Variants in PPP2R5D observed in about 807,000 individuals in gnomAD.
PPP2R5D encodes serine/threonine-protein phosphatase 2A 56 kDa regulatory subunit delta isoform.
Under a neutral mutation model 79.1 loss-of-function variants are expected in PPP2R5D, and 12 were observed. The observed-to-expected ratio is 0.15, with a 90% CI of 0.10 to 0.25. The LOEUF is 0.25. Among genes scored for constraint, PPP2R5D ranks in the 10% least tolerant of loss-of-function variants. The pLI is 1.00. For missense variants in PPP2R5D, 419 were observed against 760.2 expected (o/e 0.55, Z 5.28); for synonymous variants, 277 against 286.6 (o/e 0.97, Z 0.34).
At chr6:43,005,705 T>C in intron 2 of PPP2R5D, among the ~76,000 whole-genome samples, 1 of 151,684 alleles carries the variant, frequency 6.6e-6, no homozygotes, top group East Asian at 1.9e-4. Flanking sequence ...CACTGCAACC[T>C]CCGCCTCCTG....
In PPP2R5D at chr6:42,989,791, G is replaced by A; in HGVS notation, c.105+103G>A. The A allele has an allele frequency of 3.4e-6, 4 of 1,163,010 alleles. No individual in the cohort carries two copies. In the South Asian group the frequency reaches 5.6e-5, roughly 16 times the overall value. The allele number at this position is 1,163,010 out of a possible 1,614,324, so 72.0% of individuals were successfully genotyped here. On this transcript the variant is annotated intron_variant, in intron 2 of 15. Transcript: ENST00000485511. ...CCCAGGGGGTGAGGCAGAAGGGAAG[G>A]CTTCCATATCCTGGGAGGGACCTGG...
intron 1 of PPP2R5D, among the ~76,000 whole-genome samples, chr6:42,985,931 C>A (rs1334751380): frequency 6.6e-6 from 1 of 152,160 alleles, no homozygotes; most frequent in Non-Finnish European, 1.5e-5. Context: ...GCATGCGCCA[C>A]CACATCCGGC....
At chr6:42,984,953 C>T (rs1770721131) in intron 1 of PPP2R5D, among the ~76,000 whole-genome samples, 2 of 150,628 alleles carry the variant, frequency 1.3e-5, no homozygotes, top group South Asian at 2.1e-4. Context: ...CCTTCTCTTA[C>T]CCCCGGCCCA....
At chr6:42,986,900 A>G (rs1417040516) in intron 1 of PPP2R5D, among the ~76,000 whole-genome samples, 1 of 151,904 alleles carries the variant, frequency 6.6e-6, no homozygotes, top group African/African-American at 2.4e-5. Context: ...TCACCTCCCT[A>G]TAAGGTTTTT....
rs1477845101 is a variant in PPP2R5D at position 43,008,801 on chromosome 6, A to C, written c.1080+55A>C. 2.4e-5 allele frequency: 38 copies of C among 1,563,690 alleles called. No homozygotes were observed. ...CCTCTTACTGTCAGCATCACTTGCC[A>C]GTCTGTACCTACTGGGGGTGCCATA... On this transcript the variant is annotated intron_variant, in intron 10 of 15. Coordinates refer to ENST00000485511, the MANE Select transcript of PPP2R5D (RefSeq NM_006245.4). This position sits in a 1 kb window ranked among gnomAD's most constrained non-coding sequence, Gnocchi z 4.2.
chr6:43,011,559 C>T lies in PPP2R5D; in HGVS notation c.*273C>T, dbSNP rs142458919. On this transcript the variant is annotated 3_prime_UTR_variant, in exon 16 of 16. Coordinates refer to ENST00000485511, the MANE Select transcript of PPP2R5D (RefSeq NM_006245.4). ...TGGGGATGCCTGTCCCCTACCTGCT[C>T]CTCACCCACAGCTACCTGAGGCTGC... The T allele has an allele frequency of 1.7e-3, 898 of 513,840 alleles. 5 individuals are homozygous for T. The East Asian group carries it at 0.021, about 12-fold the overall frequency. 31.8% of individuals were successfully genotyped at this position (513,840 alleles called of 1,614,324 possible).
intron 2 of PPP2R5D, among the ~76,000 whole-genome samples, chr6:42,994,818 C>CA (rs57606135): frequency 0.14 from 15,006 of 109,956 alleles, 1,189 homozygotes; most frequent in African/African-American, 0.25. Context: ...AACTCCATCT[C>CA]AAAAAAAAAA....
intron 2 of PPP2R5D, among the ~76,000 whole-genome samples, chr6:42,998,439 C>T (rs114432061): frequency 0.018 from 2,804 of 151,888 alleles, 40 homozygotes; most frequent in Middle Eastern, 0.048. Flanking sequence ...AGAGTAGGCA[C>T]GTTTAGTTGG....
intron 2 of PPP2R5D, among the ~76,000 whole-genome samples, chr6:43,002,265 G>T (rs1761782788): frequency 6.6e-6 from 1 of 151,822 alleles, no homozygotes; most frequent in Admixed American, 6.6e-5. Flanking sequence ...CCGAGTTCAA[G>T]AGATTCTCCT....
Position 43,009,510 on chromosome 6 carries a change from G to A in PPP2R5D, c.1379+61G>A. 6.2e-7 allele frequency: 1 copy of A among 1,607,866 alleles called. No individual in the cohort carries two copies. Among genetic ancestry groups the A allele is most frequent in the Non-Finnish European group, 8.5e-7 (1 of 1,176,452 alleles). On this transcript the variant is annotated intron_variant, in intron 12 of 15. Transcript: ENST00000485511. The surrounding 1 kb of genome is among the most constrained non-coding windows in gnomAD (Gnocchi z 5.6). ...CAGTTTGGGAAACTTTGAGGGTATG[G>A]AAGAACTAAAGAGCCAGGGGTCTCA...
Position 43,006,498 on chromosome 6 carries a change from A to G in PPP2R5D, c.141A>G (p.Gln47=), listed in dbSNP as rs765656201. ...AGCCCCAGCCCCAGCCCCAGCCCCA[A>G]GCCCAGTCTCAGCCACCGTCATCCA... ...QPQPQPQPQP[Q]AQSQPPSSNK... is the part of the protein sequence containing the mutation. The change falls in exon 3 of 16, where the codon CAA becomes CAG. Residue 47 remains glutamine, a synonymous_variant. Transcript: ENST00000485511. The surrounding 1 kb of genome is among the most constrained non-coding windows in gnomAD (Gnocchi z 4.7). 3.1e-6 allele frequency: 5 copies of G among 1,613,764 alleles called. No homozygotes were observed. The South Asian group carries it at 5.5e-5, about 18-fold the overall frequency.
Position 43,010,616 on chromosome 6 carries a change from C to G in PPP2R5D, c.1481+47C>G, listed in dbSNP as rs745912823. The G allele has an allele frequency of 1.2e-6, 2 of 1,613,056 alleles. No homozygotes were observed. On this transcript the variant is annotated intron_variant, in intron 13 of 15. Coordinates refer to ENST00000485511, the MANE Select transcript of PPP2R5D (RefSeq NM_006245.4). This position sits in a 1 kb window ranked among gnomAD's most constrained non-coding sequence, Gnocchi z 4.7. ...AGACTTTCATCTTCTACCACCAGCT[C>G]ACTGTGTTTCTCTCAAGCCCAACCC...
intron 2 of PPP2R5D, among the ~76,000 whole-genome samples, chr6:43,001,159 CTTTT>C (rs543091005): frequency 9.9e-4 from 151 of 152,264 alleles, no homozygotes; most frequent in Non-Finnish European, 1.8e-3. Context: ...TCTTCCTTTT[CTTTT>C]TCTTTTTTGA....
intron 1 of PPP2R5D, among the ~76,000 whole-genome samples, chr6:42,985,775 CTTTTT>C (rs945324833): frequency 8.5e-6 from 1 of 118,302 alleles, no homozygotes. Flanking sequence ...CAGGCCATTT[CTTTTT>C]TTTTTTTTTT....
chr6:43,000,006 G>C (rs1463422912), intron 2 of PPP2R5D, among the ~76,000 whole-genome samples: 2 of 151,880 alleles, frequency 1.3e-5, no homozygotes, highest in Non-Finnish European at 2.9e-5. Context: ...CGTGAGCTCG[G>C]CTCACTGCAA....
chr6:42,984,617 CCG>C lies in PPP2R5D; in HGVS notation c.-60_-59del. The C allele has an allele frequency of 6.4e-7, 1 of 1,553,330 alleles. No individual in the cohort carries two copies. The highest frequency in any genetic ancestry group is 8.7e-7 in the Non-Finnish European group (1 of 1,150,680). On this transcript the variant is annotated 5_prime_UTR_variant, in exon 1 of 16. Coordinates refer to ENST00000485511, the MANE Select transcript of PPP2R5D (RefSeq NM_006245.4). ...GAGACGCCGAGCGGGCCGAGTGCGG[CCG>C]AGCAAAGCCGGAGCCGGAGCGGGGC...
At position 42,987,401 on chromosome 6, in the gene PPP2R5D, C is replaced by T. The variant is rs370745109; in HGVS notation, c.28-2210C>T. On this transcript the variant is annotated intron_variant, in intron 1 of 15. Transcript: ENST00000485511. ...CTGAGTAGGGTGCCCCTGCCCCCTCCGATTTTTTTCTTGTTCATAATAATA... is the reference window on the plus strand; with the variant it reads ...CTGAGTAGGGTGCCCCTGCCCCCTCTGATTTTTTTCTTGTTCATAATAATA... Among the ~76,000 whole-genome samples the T allele has an allele frequency of 1.2e-4, 18 of 152,188 alleles. No homozygotes were observed. In the South Asian group the frequency reaches 2.7e-3, roughly 23 times the overall value.
intron 1 of PPP2R5D, 63 bp downstream of exon 1, chr6:42,984,767 C>T: frequency 6.2e-7 from 1 of 1,606,314 alleles, no homozygotes; most frequent in Non-Finnish European, 8.5e-7. Context: ...TGGGAGGGGC[C>T]GGAGCCAGGC....
rs1458323718 is a variant in PPP2R5D, at chr6:43,007,395, C to T, written c.634-19C>T. 5 of 1,606,062 alleles carry T rather than the reference C, an allele frequency of 3.1e-6. No homozygotes were observed. Among genetic ancestry groups the T allele is most frequent in the South Asian group, 1.1e-5 (1 of 90,904 alleles). ...GTCCTTGGGAACATCCCCTCAGTGGCGTGCCTTTTCCCCTATAGCTCGTGT... is the reference window on the plus strand; with the variant it reads ...GTCCTTGGGAACATCCCCTCAGTGGTGTGCCTTTTCCCCTATAGCTCGTGT... On this transcript the variant is annotated intron_variant, in intron 5 of 15. Transcript: ENST00000485511. The surrounding 1 kb of genome is among the most constrained non-coding windows in gnomAD (Gnocchi z 4.5).
Sources: allele counts gnomAD v4.1 joint callset (sites outside exome capture counted in the v4.1 genomes callset), GRCh38; gene constraint gnomAD v4.1.1; non-coding constraint Gnocchi (gnomAD v3.1); transcripts MANE v1.5; gene names NCBI Gene and HGNC (gene_info 2026-07-23, HGNC 2026-07-21).